Variants in IRF8 observed in about 807,000 individuals in gnomAD.
The protein encoded by IRF8 is interferon consensus sequence binding protein 1.
Under a neutral mutation model 48.7 loss-of-function variants are expected in IRF8, and 14 were observed. The observed-to-expected ratio is 0.29, with a 90% CI of 0.19 to 0.45. The LOEUF (loss-of-function observed/expected upper bound fraction) is 0.45, where lower values mean the gene tolerates loss of function less well. Ranked by LOEUF, IRF8 falls within the 20% of genes least tolerant of loss-of-function variation. The pLI is 1.00. For missense variants in IRF8, 493 were observed against 580.7 expected (o/e 0.85, Z 1.55); for synonymous variants, 278 against 227.3 (o/e 1.22, Z -2.01).
At chr16:85,914,052 T>G (rs1284399752) in intron 5 of IRF8, 1 of 249,770 alleles carries the variant, frequency 4.0e-6, no homozygotes, top group African/African-American at 2.2e-5. Flanking sequence ...AAGAGGTCCC[T>G]GGAAAGGCAC....
At chr16:85,916,627 GTT>G (rs1905316723) in intron 6 of IRF8, among the ~76,000 whole-genome samples, 1 of 152,238 alleles carries the variant, frequency 6.6e-6, no homozygotes, top group Non-Finnish European at 1.5e-5. Context: ...GAAGCTGCCA[GTT>G]CACATGACTG....
rs749474801 is a variant in IRF8 at position 85,913,166 on chromosome 16, G to A, written c.483G>A (p.Arg161=). The change falls in exon 5 of 9, where the codon AGG becomes AGA. Residue 161 remains arginine (R), a synonymous_variant. Coordinates refer to ENST00000268638, the MANE Select transcript of IRF8 (RefSeq NM_002163.4). ...SVDDYMGMIK[R]SPSPPEACRS... ...ACGATTACATGGGGATGATCAAAAGGAGCCCTTCCCCGCCGGAGGCCTGTC... is the reference window on the plus strand; with the variant it reads ...ACGATTACATGGGGATGATCAAAAGAAGCCCTTCCCCGCCGGAGGCCTGTC... 4 of 1,614,074 alleles carry A rather than the reference G, an allele frequency of 2.5e-6. No homozygotes were observed. Among genetic ancestry groups the A allele is most frequent in the African/African-American group, 2.7e-5 (2 of 74,954 alleles).
intron 7 of IRF8, among the ~76,000 whole-genome samples, chr16:85,919,467 G>A (rs774670490): frequency 2.0e-5 from 3 of 152,216 alleles, no homozygotes; most frequent in African/African-American, 4.8e-5. Flanking sequence ...CAGAGGAGGG[G>A]CCTGGAAGGG....
At chr16:85,914,428 C>G (rs754453469) in intron 5 of IRF8, 45 bp from the exon 6 acceptor site, 4 of 1,613,396 alleles carry the variant, frequency 2.5e-6, no homozygotes, top group Non-Finnish European at 3.4e-6. Context: ...TCCCTGTACA[C>G]CACACCTGGG....
chr16:85,899,502 A>C (rs1904754080), intron 1 of IRF8, among the ~76,000 whole-genome samples: 2 of 152,294 alleles, frequency 1.3e-5, no homozygotes, highest in South Asian at 4.1e-4. Context: ...GTTTACATGG[A>C]AAACGTTAGG....
chr16:85,900,133 G>A (rs989368915), intron 1 of IRF8, among the ~76,000 whole-genome samples: 1 of 152,202 alleles, frequency 6.6e-6, no homozygotes, highest in African/African-American at 2.4e-5. Context: ...AATGGCTTTG[G>A]TGCTTTCTGG....
At chr16:85,903,849 G>C (rs1241199511) in intron 2 of IRF8, among the ~76,000 whole-genome samples, 1 of 152,202 alleles carries the variant, frequency 6.6e-6, no homozygotes, top group East Asian at 1.9e-4. Context: ...GAGGCACTGA[G>C]AGGAGAAGTG....
chr16:85,907,635 G>A (rs28593107), intron 2 of IRF8, among the ~76,000 whole-genome samples: 5,061 of 152,136 alleles, frequency 0.033, 288 homozygotes, highest in African/African-American at 0.12. Flanking sequence ...GCCAGATTGC[G>A]CCACTGCATT....
intron 7 of IRF8, 127 bp downstream of exon 7, chr16:85,918,930 G>T: frequency 8.1e-7 from 1 of 1,239,200 alleles, no homozygotes; most frequent in South Asian, 1.3e-5. Flanking sequence ...GAGGGGCATG[G>T]TGTGGCAAGG....
chr16:85,911,945 A>C (rs1294533026), intron 4 of IRF8, among the ~76,000 whole-genome samples: 2 of 152,216 alleles, frequency 1.3e-5, no homozygotes, highest in African/African-American at 4.8e-5. Flanking sequence ...TCCAGCTCCA[A>C]ACTGTTCGAA....
In IRF8 at chr16:85,921,963, T is replaced by C. The variant is rs550580372; in HGVS notation, c.*681T>C. The C allele has an allele frequency of 6.6e-6, 1 of 152,460 alleles. No homozygotes were observed. The highest frequency in any genetic ancestry group is 1.5e-5 in the Non-Finnish European group (1 of 68,112). 9.4% of individuals were successfully genotyped at this position (152,460 alleles called of 1,614,324 possible). On this transcript the variant is annotated 3_prime_UTR_variant, in exon 9 of 9. Coordinates refer to ENST00000268638, the MANE Select transcript of IRF8 (RefSeq NM_002163.4). ...TCTGGGGCTTTGTTGCCAGGAAGAT[T>C]AGAACTAAATTTATTTTTTTCATTT...
intron 5 of IRF8, 179 bp downstream of exon 5, chr16:85,913,415 C>A (rs758917573): frequency 1.6e-5 from 10 of 630,954 alleles, no homozygotes; most frequent in Non-Finnish European, 2.9e-5. Flanking sequence ...GGGCAGAGCC[C>A]AGCTGTGCCT....
chr16:85,909,232 C>G, intron 3 of IRF8, 59 bp downstream of exon 3: 1 of 1,459,538 alleles, frequency 6.9e-7, no homozygotes, highest in Non-Finnish European at 9.6e-7. Context: ...GTAGCCTTCA[C>G]CACAGAACTT....
chr16:85,905,828 G>A (rs750552700), intron 2 of IRF8, among the ~76,000 whole-genome samples: 1 of 152,216 alleles, frequency 6.6e-6, no homozygotes, highest in Non-Finnish European at 1.5e-5. Context: ...AGAAATTTAT[G>A]AGTTTGGTTT....
chr16:85,909,200 C>T (rs766566373), intron 3 of IRF8, 27 bp downstream of exon 3: 7 of 1,599,990 alleles, frequency 4.4e-6, no homozygotes, highest in African/African-American at 2.7e-5. Context: ...GGCATGAAAC[C>T]TTCCAGAAGC....
At chr16:85,913,813 C>T (rs372118374) in intron 5 of IRF8, among the ~76,000 whole-genome samples, 5 of 152,236 alleles carry the variant, frequency 3.3e-5, no homozygotes, top group Admixed American at 6.5e-5. Flanking sequence ...CATGGGGTCA[C>T]GAGGGTTAAG....
At chr16:85,912,340 C>G (rs559524091) in intron 4 of IRF8, among the ~76,000 whole-genome samples, 1 of 152,370 alleles carries the variant, frequency 6.6e-6, no homozygotes, top group East Asian at 1.9e-4. Context: ...ATTTGCATGA[C>G]TAAACCTCGT....
At chr16:85,914,367 G>A (rs983612737) in intron 5 of IRF8, 106 bp from the exon 6 acceptor site, 29 of 1,314,942 alleles carry the variant, frequency 2.2e-5, no homozygotes, top group Middle Eastern at 3.6e-4. Context: ...CCTCTGGCAC[G>A]CCATGTGCAG....
At chr16:85,911,802 C>G (rs1339822790) in intron 4 of IRF8, 144 bp downstream of exon 4, 1 of 715,550 alleles carries the variant, frequency 1.4e-6, no homozygotes, top group Non-Finnish European at 2.4e-6. Context: ...CTGTACAGAT[C>G]TGGAACGGAA....
Sources: allele counts gnomAD v4.1 joint callset (sites outside exome capture counted in the v4.1 genomes callset), GRCh38; gene constraint gnomAD v4.1.1; transcripts MANE v1.5; gene names NCBI Gene and HGNC (gene_info 2026-07-23, HGNC 2026-07-21).